Variants in CACNA1D observed in about 807,000 individuals in gnomAD.
CACNA1D encodes calcium voltage-gated channel subunit alpha1 D.
CACNA1D carries 55 observed loss-of-function variants against 257.1 expected under a neutral mutation model. The ratio of observed to expected loss-of-function variants is 0.21; its 90% CI spans 0.17 to 0.27. CACNA1D has a LOEUF of 0.27. Among genes scored for constraint, CACNA1D ranks in the 10% least tolerant of loss-of-function variants. The probability of loss-of-function intolerance (pLI) is 1.00; values close to 1 mark genes in which losing one functional copy is unlikely to be tolerated. For missense variants in CACNA1D, 1,876 were observed against 2,784.0 expected (o/e 0.67, Z 7.34); for synonymous variants, 980 against 1,014.9 (o/e 0.97, Z 0.65).
intron 3 of CACNA1D, among the ~76,000 whole-genome samples, chr3:53,528,466 TTCCATTTTTGTTC>T (rs1470688587): frequency 6.6e-6 from 1 of 152,244 alleles, no homozygotes. Flanking sequence ...ATATAAGTTC[TTCCATTTTTGTTC>T]TCCACCCCTC....
chr3:53,745,066 C>CT (rs1253837500), intron 23 of CACNA1D, among the ~76,000 whole-genome samples: 2 of 151,774 alleles, frequency 1.3e-5, no homozygotes, highest in Non-Finnish European at 2.9e-5. Flanking sequence ...CATTTATTAC[C>CT]TTTTTATTAG....
At chr3:53,527,119 A>G (rs1164002096) in intron 3 of CACNA1D, among the ~76,000 whole-genome samples, 2 of 152,378 alleles carry the variant, frequency 1.3e-5, no homozygotes, top group South Asian at 4.1e-4. Context: ...AGAACAATCT[A>G]TGATGAAACA....
Position 53,497,390 on chromosome 3 carries a change from T to A in CACNA1D, c.306T>A (p.Pro102=). ...AGGGTAACTCGTCCAACAGCCGACC[T>A]GCCCGCGCCCTTTTCTGTTTATCAC... The part of the protein sequence containing the change: ...KKQGNSSNSR[P]ARALFCLSLN... Residue 102 remains proline, a synonymous_variant, in exon 2 of 48, where the codon CCT becomes CCA. Coordinates refer to ENST00000350061, the MANE Select transcript of CACNA1D (RefSeq NM_001128840.3). 2 of 1,614,218 alleles carry A rather than the reference T, an allele frequency of 1.2e-6. No individual in the cohort carries two copies. The highest frequency in any genetic ancestry group is 1.7e-6 in the Non-Finnish European group (2 of 1,180,032).
At chr3:53,527,787 G>A (rs1005082804) in intron 3 of CACNA1D, among the ~76,000 whole-genome samples, 3 of 152,178 alleles carry the variant, frequency 2.0e-5, no homozygotes, top group Non-Finnish European at 2.9e-5. Flanking sequence ...GTAGCCAATA[G>A]ACTATTGTTA....
intron 5 of CACNA1D, among the ~76,000 whole-genome samples, chr3:53,660,709 A>T (rs1189113644): frequency 5.3e-5 from 8 of 151,710 alleles, no homozygotes; most frequent in Non-Finnish European, 1.5e-5. Flanking sequence ...AATGGGGAGC[A>T]TCAGAGGGAT....
chr3:53,687,998 TACA>T (rs1400998283), intron 8 of CACNA1D, among the ~76,000 whole-genome samples: 1 of 152,250 alleles, frequency 6.6e-6, no homozygotes, highest in Non-Finnish European at 1.5e-5. Context: ...CATAAAATGA[TACA>T]ACTACTTTAG....
rs139856603 is a variant in CACNA1D at position 53,757,188 on chromosome 3, T to C, written c.3786+3506T>C. ...CTTCATGATCTTCCTAGAGTACCTTTTCCACCTGCTGGAGAGAAAATTTGA... is the reference window on the plus strand; with the variant it reads ...CTTCATGATCTTCCTAGAGTACCTTCTCCACCTGCTGGAGAGAAAATTTGA... On this transcript the variant is annotated intron_variant, in intron 29 of 47. Transcript: ENST00000350061. 9.6e-3 allele frequency among the ~76,000 whole-genome samples: 1,460 copies of C among 151,896 alleles called. 29 individuals are homozygous for C. The highest frequency in any genetic ancestry group is 0.033 in the African/African-American group (1,369 of 41,258).
Position 53,810,207 on chromosome 3 carries a change from G to A in CACNA1D, c.6101G>A (p.Arg2034Gln), listed in dbSNP as rs771758707. The A allele has an allele frequency of 5.6e-5, 91 of 1,613,820 alleles. 1 individual carries two copies. The South Asian group carries it at 5.9e-4, about 11-fold the overall frequency. ...WYTDEPDISY[R>Q]TFTPASLTVP... ...ACAGACGAGCCCGACATCTCCTACC[G>A]GACTTTCACACCAGCCAGCCTGACT... is the stretch of plus-strand genomic sequence containing the variant. The change falls in exon 47 of 48, where the codon CGG becomes CAG. Residue 2034 changes from arginine (R) to glutamine (Q), a missense_variant. By Grantham distance (43) the Arg-to-Gln change is conservative (BLOSUM62 1). Transcript: ENST00000350061.
At chr3:53,518,706 A>T (rs768286833) in intron 3 of CACNA1D, among the ~76,000 whole-genome samples, 4 of 152,214 alleles carry the variant, frequency 2.6e-5, no homozygotes, top group African/African-American at 4.8e-5. Flanking sequence ...TTTCTTTAAG[A>T]AACTCTTGAG....
intron 3 of CACNA1D, among the ~76,000 whole-genome samples, chr3:53,586,077 G>C (rs1482443340): frequency 6.6e-6 from 1 of 152,106 alleles, no homozygotes; most frequent in Non-Finnish European, 1.5e-5. Context: ...AGGATATGTG[G>C]GTAATGGGCC....
At chr3:53,551,812 C>T (rs1324387265) in intron 3 of CACNA1D, among the ~76,000 whole-genome samples, 3 of 152,206 alleles carry the variant, frequency 2.0e-5, no homozygotes, top group Non-Finnish European at 4.4e-5. Flanking sequence ...GCCTCCTCCT[C>T]GATCTCCCAC....
At position 53,811,419 on chromosome 3, in the gene CACNA1D, G is replaced by T. The variant is rs1301839190; in HGVS notation, c.*13G>T. On this transcript the variant is annotated 3_prime_UTR_variant, in exon 48 of 48. Transcript: ENST00000350061. The surrounding 1 kb of genome is among the most constrained non-coding windows in gnomAD (Gnocchi z 4.2). ...CACCACCTTGTAGCCCCCAGCGAGG[G>T]GCAGACTGGCTCTGGCCTCAGGTGG... 1 of 1,537,028 alleles carries T rather than the reference G, an allele frequency of 6.5e-7. No individual in the cohort carries two copies. The highest frequency in any genetic ancestry group is 8.8e-7 in the Non-Finnish European group (1 of 1,141,016).
At chr3:53,750,003 T>C (rs1042398486) in intron 27 of CACNA1D, among the ~76,000 whole-genome samples, 5 of 152,224 alleles carry the variant, frequency 3.3e-5, no homozygotes, top group African/African-American at 9.6e-5. Context: ...TCTCCAGACA[T>C]TGCCAAGTGT....
intron 3 of CACNA1D, among the ~76,000 whole-genome samples, chr3:53,512,115 G>C (rs768654155): frequency 6.6e-6 from 1 of 152,048 alleles, no homozygotes; most frequent in Non-Finnish European, 1.5e-5. Flanking sequence ...CTTTTTTCAC[G>C]ATAATGCAAA....
chr3:53,718,570 T>TGGG, intron 10 of CACNA1D, 182 bp downstream of exon 10: 1 of 717,966 alleles, frequency 1.4e-6, no homozygotes, highest in Non-Finnish European at 2.4e-6. Context: ...CCTGCACACC[T>TGGG]CCCCACCCCC....
intron 3 of CACNA1D, among the ~76,000 whole-genome samples, chr3:53,643,961 A>G (rs932361144): frequency 6.6e-6 from 1 of 152,220 alleles, no homozygotes; most frequent in Non-Finnish European, 1.5e-5. Flanking sequence ...TTTTCCTGGA[A>G]CAGAGCAAAA....
chr3:53,751,975 A>G lies in CACNA1D; in HGVS notation c.3675+68A>G. The G allele has an allele frequency of 6.7e-7, 1 of 1,482,340 alleles. No individual in the cohort carries two copies. Among genetic ancestry groups the G allele is most frequent in the East Asian group, 2.3e-5 (1 of 44,284 alleles). The allele number at this position is 1,482,340 out of a possible 1,614,324, so 91.8% of individuals were successfully genotyped here. On this transcript the variant is annotated intron_variant, in intron 28 of 47. Transcript: ENST00000350061. The surrounding 1 kb of genome is among the most constrained non-coding windows in gnomAD (Gnocchi z 4.3). ...GCACAGCCCCGTGCCCCAAATGCTG[A>G]GGGTGGAATGCTGCCCCTCACAGGA...
intron 20 of CACNA1D, among the ~76,000 whole-genome samples, chr3:53,736,292 G>A (rs2095056361): frequency 6.6e-6 from 1 of 151,694 alleles, no homozygotes; most frequent in Non-Finnish European, 1.5e-5. Context: ...AGCAAGCAAT[G>A]TTTGCACCAC....
rs2095394452 is a variant in CACNA1D at position 53,775,866 on chromosome 3, T to G, written c.4203-20T>G. ...CCTTCTTTCCCCCACTAAAGCCCCT[T>G]TGTTCTTCATCTGAAAAAGGTGTGC... is the stretch of plus-strand genomic sequence containing the variant. On this transcript the variant is annotated intron_variant, in intron 34 of 47. Transcript: ENST00000350061. 6.2e-7 allele frequency: 1 copy of G among 1,613,422 alleles called. No homozygotes were observed. Among genetic ancestry groups the G allele is most frequent in the Non-Finnish European group, 8.5e-7 (1 of 1,179,536 alleles).
Sources: allele counts gnomAD v4.1 joint callset (sites outside exome capture counted in the v4.1 genomes callset), GRCh38; gene constraint gnomAD v4.1.1; non-coding constraint Gnocchi (gnomAD v3.1); transcripts MANE v1.5; gene names NCBI Gene and HGNC (gene_info 2026-07-23, HGNC 2026-07-21).